Variants in AGBL2 observed in about 807,000 individuals in gnomAD.
AGBL2 encodes cytosolic carboxypeptidase 2.
A neutral mutation model predicts 103.0 loss-of-function variants in AGBL2; 87 were observed. The ratio of observed to expected loss-of-function variants is 0.84; its 90% CI spans 0.71 to 1.01. The LOEUF (loss-of-function observed/expected upper bound fraction) is 1.01. AGBL2 is among the 50% of genes least tolerant of loss of function. AGBL2 has a pLI of 0.00. For synonymous variants in AGBL2, 335 were observed against 356.7 expected, an observed-to-expected ratio of 0.94 and a Z score of 0.69; for missense variants, 904 against 1,023.5, an observed-to-expected ratio of 0.88 and a Z score of 1.59.
At position 47,677,334 on chromosome 11, in the gene AGBL2, A is replaced by G; in HGVS notation, c.2084T>C (p.Leu695Pro). The G allele has an allele frequency of 6.2e-7, 1 of 1,612,124 alleles. No homozygotes were observed. The highest frequency in any genetic ancestry group is 8.5e-7 in the Non-Finnish European group (1 of 1,178,882). ...RQEIHKKFHE[L>P]GQDVDLEGSW... ...TCCTTCTAAATCTACATCTTGTCCA[A>G]GTTCATGGAATTTCTTGTGGATTTC... The change falls in exon 14 of 19, where the codon CTT becomes CCT. Residue 695 changes from leucine (L) to proline (P), a missense_variant. Coordinates refer to ENST00000525123, the MANE Select transcript of AGBL2 (RefSeq NM_024783.4).
At chr11:47,696,195 A>G (rs1008078884) in intron 8 of AGBL2, among the ~76,000 whole-genome samples, 7 of 151,186 alleles carry the variant, frequency 4.6e-5, no homozygotes, top group Non-Finnish European at 7.4e-5. Context: ...CAAAAAAAAA[A>G]AAAAAAAAAG....
At chr11:47,670,256 T>C (rs1368071660) in intron 14 of AGBL2, among the ~76,000 whole-genome samples, 1 of 152,204 alleles carries the variant, frequency 6.6e-6, no homozygotes, top group Non-Finnish European at 1.5e-5. Flanking sequence ...ATTCAATATA[T>C]AAACATATGC....
chr11:47,708,773 C>T (rs1262810809), intron 4 of AGBL2, among the ~76,000 whole-genome samples: 1 of 147,740 alleles, frequency 6.8e-6, no homozygotes, highest in African/African-American at 2.5e-5. Context: ...GAGATGGAGC[C>T]ACTGCACTCT....
At chr11:47,663,176 T>C (rs2097332445) in intron 17 of AGBL2, 64 bp from the exon 18 acceptor site, 2 of 960,240 alleles carry the variant, frequency 2.1e-6, no homozygotes, top group African/African-American at 1.7e-5. Flanking sequence ...ACAGTGAATA[T>C]ACATTATTCA....
Position 47,679,982 on chromosome 11 carries a change from G to A in AGBL2, c.2007C>T (p.Asp669=), listed in dbSNP as rs148477745. Residue 669 remains aspartate (D), a synonymous_variant, in exon 13 of 19, where the codon GAC becomes GAT. Transcript: ENST00000525123. ...GAAACCCCATTTTTACCTTCATTTGGTCAGGATCACAAAAGTCCAGAAGGG... is the reference window on the plus strand; with the variant it reads ...GAAACCCCATTTTTACCTTCATTTGATCAGGATCACAAAAGTCCAGAAGGG... ...CDTLLDFCDP[D]QMKFTQCLAE... 101 of 1,604,012 alleles carry A rather than the reference G, an allele frequency of 6.3e-5. No homozygotes were observed. Among genetic ancestry groups the A allele is most frequent in the Non-Finnish European group, 8.2e-5 (96 of 1,172,358 alleles).
chr11:47,708,785 G>A (rs926201136), intron 4 of AGBL2, among the ~76,000 whole-genome samples: 2 of 148,736 alleles, frequency 1.3e-5, no homozygotes, highest in Non-Finnish European at 3.0e-5. Context: ...CTGCACTCTA[G>A]CCTTTTGACA....
chr11:47,676,072 C>A (rs138576385), intron 14 of AGBL2, among the ~76,000 whole-genome samples: 366 of 152,134 alleles, frequency 2.4e-3, no homozygotes, highest in Middle Eastern at 0.014. Flanking sequence ...CACTGAACTC[C>A]AGACCCATAT....
chr11:47,701,235 C>G (rs1199246337), intron 7 of AGBL2, among the ~76,000 whole-genome samples: 1 of 151,872 alleles, frequency 6.6e-6, no homozygotes, highest in Non-Finnish European at 1.5e-5. Context: ...CTTTGGGAGG[C>G]CGAAGCGGGC....
intron 4 of AGBL2, chr11:47,710,068 T>C (rs2097532598): frequency 8.3e-6 from 2 of 241,176 alleles, no homozygotes; most frequent in South Asian, 1.4e-4. Flanking sequence ...TTTATATTTT[T>C]AGTAGAGCTG....
At chr11:47,682,127 T>C in intron 11 of AGBL2, 32 bp from the exon 12 acceptor site, 1 of 1,591,428 alleles carries the variant, frequency 6.3e-7, no homozygotes, top group Non-Finnish European at 8.6e-7. Context: ...CTGTTAATCA[T>C]AAATCAGCAA....
chr11:47,670,774 T>A (rs920348502), intron 14 of AGBL2, among the ~76,000 whole-genome samples: 2 of 150,786 alleles, frequency 1.3e-5, no homozygotes, highest in African/African-American at 4.9e-5. Flanking sequence ...CTTAAAGATC[T>A]CTTGAGCCCA....
intron 10 of AGBL2, among the ~76,000 whole-genome samples, chr11:47,686,979 A>AAAGGGGGGGGGAGGG (rs2097426239): frequency 1.2e-5 from 1 of 80,686 alleles, no homozygotes; most frequent in Non-Finnish European, 2.3e-5. Flanking sequence ...AAAAAAAAAA[A>AAAGGGGGGGGGAGGG]TGGTGGGGGG....
chr11:47,694,329 G>T (rs1000116708), intron 8 of AGBL2, among the ~76,000 whole-genome samples: 5 of 152,080 alleles, frequency 3.3e-5, no homozygotes, highest in African/African-American at 1.2e-4. Flanking sequence ...CTCGATGTTA[G>T]CCTTCCTCTT....
In AGBL2 at chr11:47,705,641, C is replaced by CAAAAAAAAAAAAAA. The variant is rs71228117; in HGVS notation, c.287-21_287-8dup. 3 of 412,862 alleles carry CAAAAAAAAAAAAAA rather than the reference C, an allele frequency of 7.3e-6. No homozygotes were observed. Among genetic ancestry groups the CAAAAAAAAAAAAAA allele is most frequent in the East Asian group, 3.9e-5 (1 of 25,894 alleles). 25.6% of individuals were successfully genotyped at this position (412,862 alleles called of 1,614,324 possible). ...CCCAGGCAAGAGTGAAAGTCTGTGT[C>CAAAAAAAAAAAAAA]AAAAAAAAAAAAAAAAGAAAAAGAA... On this transcript the variant is annotated splice_polypyrimidine_tract_variant and splice_region_variant and intron_variant, in intron 5 of 18. Coordinates refer to ENST00000525123, the MANE Select transcript of AGBL2 (RefSeq NM_024783.4).
At chr11:47,691,727 AAAATATATAT>A (rs2097446891) in intron 9 of AGBL2, among the ~76,000 whole-genome samples, 1 of 3,582 alleles carries the variant, frequency 2.8e-4, no homozygotes, top group African/African-American at 7.2e-4. Flanking sequence ...AAAAAAAAAA[AAAATATATAT>A]ATATATATAT....
intron 14 of AGBL2, 30 bp downstream of exon 14, chr11:47,677,241 A>C (rs182492376): frequency 1.3e-6 from 2 of 1,549,902 alleles, no homozygotes; most frequent in African/African-American, 1.4e-5. Flanking sequence ...GTATTTAAAA[A>C]AAAACAAAAC....
At chr11:47,667,204 C>A (rs2097343603) in intron 16 of AGBL2, 141 bp from the exon 17 acceptor site, 2 of 651,326 alleles carry the variant, frequency 3.1e-6, no homozygotes, top group Non-Finnish European at 5.2e-6. Flanking sequence ...GCAGCTTGGA[C>A]AAAGATTGAT....
At chr11:47,691,730 ATATATAT>A (rs1233123916) in intron 9 of AGBL2, among the ~76,000 whole-genome samples, 1 of 8,532 alleles carries the variant, frequency 1.2e-4, no homozygotes, top group African/African-American at 4.4e-4. Context: ...AAAAAAAAAA[ATATATAT>A]ATATATATAT....
intron 14 of AGBL2, among the ~76,000 whole-genome samples, chr11:47,676,788 T>C (rs1057242028): frequency 7.9e-6 from 1 of 127,180 alleles, no homozygotes; most frequent in Non-Finnish European, 1.6e-5. Flanking sequence ...CACTGCAGCC[T>C]GGGCGACAGA....
Sources: gnomAD v4.1 joint callset for allele counts (sites outside exome capture counted in the v4.1 genomes callset) on GRCh38, gnomAD v4.1.1 for gene constraint, MANE v1.5 for transcripts, NCBI Gene and HGNC (gene_info 2026-07-23, HGNC 2026-07-21) for gene names.